The following GCNT2 variants were observed in gnomAD, a reference collection of about 807,000 sequenced individuals.
GCNT2 encodes glucosaminyl (N-acetyl) transferase 2 (I blood group), also known as N-acetyllactosaminide beta-1,6-N-acetylglucosaminyl-transferase.
A neutral mutation model predicts 34.2 loss-of-function variants in GCNT2; 34 were observed. That is an observed-to-expected ratio of 1.00 (90% CI 0.76 to 1.32). The LOEUF (loss-of-function observed/expected upper bound fraction) is 1.32, where lower values mean the gene tolerates loss of function less well. Ranked by LOEUF, GCNT2 falls within the 40% of genes most tolerant of loss-of-function variation. The pLI, the probability that GCNT2 is intolerant of heterozygous loss-of-function variation, is 0.00. For synonymous variants in GCNT2, 212 were observed against 188.0 expected, an observed-to-expected ratio of 1.13 and a Z score of -1.04; for missense variants, 584 against 489.4, an observed-to-expected ratio of 1.19 and a Z score of -1.82.
At chr6:10,607,790 A>G (rs903015391) in intron 3 of GCNT2, among the ~76,000 whole-genome samples, 1 of 152,230 alleles carries the variant, frequency 6.6e-6, no homozygotes, top group African/African-American at 2.4e-5. Flanking sequence ...ACCGAGCGCC[A>G]TTCAGAGGGT....
chr6:10,530,127 G>T (rs1016127446), intron 3 of GCNT2: 9 of 313,242 alleles, frequency 2.9e-5, no homozygotes, highest in Non-Finnish European at 4.9e-5. Context: ...TTTGGGAGGC[G>T]GAGGCAGGTG....
At chr6:10,577,442 G>A (rs547556772) in intron 3 of GCNT2, among the ~76,000 whole-genome samples, 1 of 152,342 alleles carries the variant, frequency 6.6e-6, no homozygotes, top group Non-Finnish European at 1.5e-5. Context: ...AGGTCACCGA[G>A]CAGTCTGCCC....
At chr6:10,527,017 A>C (rs1003019460) in intron 1 of GCNT2, among the ~76,000 whole-genome samples, 15 of 152,226 alleles carry the variant, frequency 9.9e-5, no homozygotes, top group African/African-American at 3.4e-4. Context: ...AATTAGGTTT[A>C]TTGACTGTAC....
At chr6:10,563,756 GAAAAAAAA>G (rs55761102) in intron 3 of GCNT2, among the ~76,000 whole-genome samples, 76 of 55,794 alleles carry the variant, frequency 1.4e-3, no homozygotes, top group Admixed American at 2.6e-3. Flanking sequence ...AAAGAAAAAA[GAAAAAAAA>G]AAAAAAAAAA....
At chr6:10,536,379 A>G (rs563074301) in intron 3 of GCNT2, among the ~76,000 whole-genome samples, 1 of 150,222 alleles carries the variant, frequency 6.7e-6, no homozygotes, top group African/African-American at 2.5e-5. Flanking sequence ...TTTTTTTGAG[A>G]CAGTCTTGCT....
rs780779253 is a variant in GCNT2 at position 10,556,612 on chromosome 6, A to G, written c.925+26776A>G. The G allele has an allele frequency of 9.9e-6, 16 of 1,613,992 alleles. No individual in the cohort carries two copies. The Middle Eastern group carries it at 6.6e-4, about 66-fold the overall frequency. The stretch of plus-strand genomic sequence containing the variant: ...AAACACGTTTCCTGTGGAAAAACAA[A>G]CTAATGATCCATGAGAAGTCTTCTT... On this transcript the variant is annotated intron_variant, in intron 3 of 4. Coordinates refer to ENST00000495262, the MANE Select transcript of GCNT2 (RefSeq NM_145649.5).
At chr6:10,617,588 G>A (rs547615406) in intron 3 of GCNT2, among the ~76,000 whole-genome samples, 2 of 152,144 alleles carry the variant, frequency 1.3e-5, no homozygotes, top group African/African-American at 4.8e-5. Flanking sequence ...CTTAGAATGC[G>A]TAACCATCTG....
At chr6:10,620,838 A>C (rs1252491518) in intron 3 of GCNT2, among the ~76,000 whole-genome samples, 1 of 152,192 alleles carries the variant, frequency 6.6e-6, no homozygotes, top group Non-Finnish European at 1.5e-5. Context: ...GATTTTGCTC[A>C]CCCACAGGAC....
chr6:10,529,677 C>T lies in GCNT2; in HGVS notation c.766C>T (p.His256Tyr), dbSNP rs757161386. Residue 256 changes from histidine (H) to tyrosine (Y), a missense_variant, in exon 3 of 5, where the codon CAT (histidine) becomes TAT (tyrosine). Transcript: ENST00000495262. ...AACAAAATTAAAAACTCCTCCTCCT[C>T]ATGACATGGTGATTTACTTTGGCAC... The part of the protein sequence containing the change: ...KTTKLKTPPP[H>Y]DMVIYFGTAY... 22 of 1,614,024 alleles carry T rather than the reference C, an allele frequency of 1.4e-5. No individual in the cohort carries two copies. In the South Asian group the frequency reaches 2.0e-4, roughly 14 times the overall value.
intron 3 of GCNT2, among the ~76,000 whole-genome samples, chr6:10,611,474 G>A (rs771505260): frequency 2.6e-5 from 4 of 152,058 alleles, no homozygotes; most frequent in African/African-American, 9.7e-5. Flanking sequence ...GGGACTACAG[G>A]TGTGCGCCAC....
intron 3 of GCNT2, chr6:10,586,170 T>C: frequency 6.2e-7 from 1 of 1,614,186 alleles, no homozygotes. Flanking sequence ...AGTCTTTTTG[T>C]GGGAAAATAT....
rs1255435761 is a variant in GCNT2 at position 10,556,828 on chromosome 6, A to G, written c.925+26992A>G. On this transcript the variant is annotated intron_variant, in intron 3 of 4. Transcript: ENST00000495262. ...ATGAAAAAGCAACAACTGAATTTAAAGATGCGGTAGAGCAACTATTAAGCT... is the reference window on the plus strand; with the variant it reads ...ATGAAAAAGCAACAACTGAATTTAAGGATGCGGTAGAGCAACTATTAAGCT... 1.9e-6 allele frequency: 3 copies of G among 1,614,122 alleles called. No homozygotes were observed. In the Admixed American group the frequency reaches 5.0e-5, roughly 27 times the overall value.
chr6:10,619,013 C>A (rs979383408), intron 3 of GCNT2, among the ~76,000 whole-genome samples: 1 of 152,140 alleles, frequency 6.6e-6, no homozygotes, highest in African/African-American at 2.4e-5. Context: ...ATATAATCAT[C>A]ATATGACATC....
At chr6:10,606,182 G>A (rs1322243491) in intron 3 of GCNT2, among the ~76,000 whole-genome samples, 5 of 152,234 alleles carry the variant, frequency 3.3e-5, no homozygotes, top group Admixed American at 2.0e-4. Flanking sequence ...GGGTGTGGTG[G>A]TGCATGCCTG....
chr6:10,605,941 C>A (rs111370698), intron 3 of GCNT2, among the ~76,000 whole-genome samples: 1 of 152,292 alleles, frequency 6.6e-6, no homozygotes, highest in African/African-American at 2.4e-5. Context: ...CCCCAATGAT[C>A]TCTCCTTCTC....
At chr6:10,572,717 G>C (rs1388666360) in intron 3 of GCNT2, among the ~76,000 whole-genome samples, 7 of 152,048 alleles carry the variant, frequency 4.6e-5, no homozygotes, top group Admixed American at 2.6e-4. Context: ...CTGGATGACA[G>C]AGCGAGACTC....
chr6:10,523,471 C>A (rs1242418380), intron 1 of GCNT2, among the ~76,000 whole-genome samples: 2 of 151,722 alleles, frequency 1.3e-5, no homozygotes, highest in African/African-American at 4.8e-5. Context: ...CTTATAGTTT[C>A]CTATTACTTT....
At chr6:10,617,342 A>G (rs554182207) in intron 3 of GCNT2, among the ~76,000 whole-genome samples, 24 of 152,054 alleles carry the variant, frequency 1.6e-4, no homozygotes, top group African/African-American at 5.8e-4. Context: ...GCCCACCCGG[A>G]ACTCACGCTG....
chr6:10,542,955 T>C (rs1762104697), intron 3 of GCNT2, among the ~76,000 whole-genome samples: 1 of 146,738 alleles, frequency 6.8e-6, no homozygotes, highest in Non-Finnish European at 1.5e-5. Context: ...TTGCCCAGGC[T>C]GGAGTGCAAT....
Sources: allele counts gnomAD v4.1 joint callset (sites outside exome capture counted in the v4.1 genomes callset), GRCh38; gene constraint gnomAD v4.1.1; transcripts MANE v1.5; gene names NCBI Gene and HGNC (gene_info 2026-07-23, HGNC 2026-07-21).